The following SETD5 variants were observed in gnomAD, a reference collection of about 807,000 sequenced individuals.
The protein encoded by SETD5 is SET domain containing 5.
Under a neutral mutation model 153.3 loss-of-function variants are expected in SETD5, and 44 were observed. The observed-to-expected ratio is 0.29, with a 90% confidence interval of 0.23 to 0.37. SETD5 has a LOEUF of 0.37. Among genes scored for constraint, SETD5 ranks in the 10% least tolerant of loss-of-function variants. The pLI, the probability that SETD5 is intolerant of heterozygous loss-of-function variation, is 1.00. For missense variants in SETD5, 1,544 were observed against 1,768.0 expected, an observed-to-expected ratio of 0.87 and a Z score of 2.27; for synonymous variants, 716 against 645.2, an observed-to-expected ratio of 1.11 and a Z score of -1.66.
At chr3:9,416,759 A>C (rs1364584001) in intron 1 of SETD5, among the ~76,000 whole-genome samples, 3 of 152,094 alleles carry the variant, frequency 2.0e-5, no homozygotes, top group Non-Finnish European at 2.9e-5. Flanking sequence ...GGATAGCTCC[A>C]CCCACCAGAT....
At chr3:9,405,573 C>G (rs930932964) in intron 1 of SETD5, among the ~76,000 whole-genome samples, 4 of 152,022 alleles carry the variant, frequency 2.6e-5, no homozygotes, top group Non-Finnish European at 5.9e-5. Context: ...TTTCGCCACC[C>G]CACTCCTGAA....
At chr3:9,408,568 G>A (rs892467874) in intron 1 of SETD5, among the ~76,000 whole-genome samples, 1 of 152,072 alleles carries the variant, frequency 6.6e-6, no homozygotes. Flanking sequence ...TCGTACTCTG[G>A]ATTTTGAAGG....
At chr3:9,441,274 T>C (rs2041254356) in intron 8 of SETD5, among the ~76,000 whole-genome samples, 1 of 152,066 alleles carries the variant, frequency 6.6e-6, no homozygotes, top group African/African-American at 2.4e-5. Context: ...GTAGGAATTA[T>C]GTAATATTTA....
rs768750924 is a variant in SETD5, at chr3:9,447,870, T to C, written c.1967T>C (p.Leu656Ser). 1.2e-5 allele frequency: 20 copies of C among 1,614,000 alleles called. No homozygotes were observed. The highest frequency in any genetic ancestry group is 4.0e-5 in the African/African-American group (3 of 75,052). Reference protein sequence around the residue: ...AALEEGGSNSLVTPTEAGSLD... With the variant: ...AALEEGGSNSSVTPTEAGSLD... ...TTGGAAGAGGGAGGAAGTAACAGTT[T>C]AGTAACTCCTACTGAAGCTGGAAGT... The change falls in exon 15 of 23, where the codon TTA (leucine) becomes TCA (serine). Residue 656 changes from leucine (L) to serine (S), a missense_variant. Physicochemically the swap from Leu to Ser is moderately radical, Grantham distance 145. Around this residue, in one of 9 missense-constraint regions of SETD5, gnomAD observed 782 missense variants for 787.2 expected, o/e 0.99. Transcript: ENST00000402198.
chr3:9,423,643 TA>T (rs2038744774), intron 1 of SETD5, among the ~76,000 whole-genome samples: 1 of 152,230 alleles, frequency 6.6e-6, no homozygotes, highest in Admixed American at 6.5e-5. Context: ...AAATCGTTTC[TA>T]AAAAATAGTT....
rs1463055416 is a variant in SETD5 at position 9,475,987 on chromosome 3, T to C, written c.4225T>C (p.Ser1409Pro). The change falls in exon 23 of 23, where the codon TCC becomes CCC. Residue 1409 changes from serine (S) to proline (P), a missense_variant. By Grantham distance (74) the Ser-to-Pro change is moderately conservative. This residue lies in a region of SETD5 where 302 missense variants were observed against 277.6 expected (regional missense o/e 1.09). Coordinates refer to ENST00000402198, the MANE Select transcript of SETD5 (RefSeq NM_001080517.3). ...CCAGGCCTCCAGGGTATCTGCGGTT[T>C]CCAATTCACAGCACTACCCACACCG... ...VYQASRVSAV[S>P]NSQHYPHRGS... 1 of 1,613,880 alleles carries C rather than the reference T, an allele frequency of 6.2e-7. No individual in the cohort carries two copies. Among genetic ancestry groups the C allele is most frequent in the Non-Finnish European group, 8.5e-7 (1 of 1,179,892 alleles).
In SETD5 at chr3:9,475,570, C is replaced by G. The variant is rs747649591; in HGVS notation, c.3808C>G (p.Pro1270Ala). 2.0e-5 allele frequency: 33 copies of G among 1,613,940 alleles called. 1 individual carries two copies. The highest frequency in any genetic ancestry group is 5.9e-6 in the Non-Finnish European group (7 of 1,179,882). ...SPFRGHPTQS[P>A]GYSYRTTALR... ...CTTCAGAGGACATCCTACACAGTCT[C>G]CAGGATACAGTTATCGAACTACTGC... Residue 1270 changes from proline to alanine, a missense_variant, in exon 23 of 23, where the codon CCA (proline) becomes GCA (alanine). Pro to Ala is a conservative substitution (Grantham distance 27). Around this residue, in one of 9 missense-constraint regions of SETD5, gnomAD observed 302 missense variants for 277.6 expected, o/e 1.09. Coordinates refer to ENST00000402198, the MANE Select transcript of SETD5 (RefSeq NM_001080517.3).
Position 9,433,283 on chromosome 3 carries a change from C to G in SETD5, c.72-562C>G, listed in dbSNP as rs568739296. 872 of 885,670 alleles carry G rather than the reference C, an allele frequency of 9.8e-4. 6 individuals carry two copies. The highest frequency in any genetic ancestry group is 2.0e-3 in the South Asian group (130 of 65,640). The allele number at this position is 885,670 out of a possible 1,614,324, so 54.9% of individuals were successfully genotyped here. On this transcript the variant is annotated intron_variant, in intron 3 of 22. Transcript: ENST00000402198. ...CATTGGTGGATGAGAAATTATTACT[C>G]TAATATTTGAAAGGTGTTGGGGGTT... is the stretch of plus-strand genomic sequence containing the variant.
At chr3:9,445,944 T>C (rs998480993) in intron 13 of SETD5, among the ~76,000 whole-genome samples, 1 of 150,290 alleles carries the variant, frequency 6.7e-6, no homozygotes, top group Non-Finnish European at 1.5e-5. Flanking sequence ...GATTATTATC[T>C]AGTGATGGTT....
chr3:9,474,433 C>T lies in SETD5; in HGVS notation c.3498-16C>T, dbSNP rs780349737. The T allele has an allele frequency of 6.2e-7, 1 of 1,612,354 alleles. No individual in the cohort carries two copies. On this transcript the variant is annotated splice_polypyrimidine_tract_variant and intron_variant, in intron 20 of 22. Coordinates refer to ENST00000402198, the MANE Select transcript of SETD5 (RefSeq NM_001080517.3). Reference sequence around the variant, plus strand: ...TAAGTCCTGTGGCTTGAACTTGCACCCTGTTGCCTTTACAGGATGGTTCCC... The same window carrying T: ...TAAGTCCTGTGGCTTGAACTTGCACTCTGTTGCCTTTACAGGATGGTTCCC...
intron 1 of SETD5, among the ~76,000 whole-genome samples, chr3:9,417,027 A>C (rs2037570277): frequency 6.6e-6 from 1 of 152,206 alleles, no homozygotes; most frequent in Non-Finnish European, 1.5e-5. Flanking sequence ...CTAATTAACA[A>C]AAATGTTCTT....
intron 3 of SETD5, chr3:9,431,022 T>G (rs1173816055): frequency 1.0e-6 from 1 of 985,298 alleles, no homozygotes; most frequent in African/African-American, 1.7e-5. Flanking sequence ...TGATATTTAT[T>G]AATGTTTCAT....
At position 9,436,332 on chromosome 3, in the gene SETD5, A is replaced by G. The variant is rs1489718673; in HGVS notation, c.567+426A>G. Among the ~76,000 whole-genome samples, 3 of 152,160 alleles carry G rather than the reference A, an allele frequency of 2.0e-5. No homozygotes were observed. In the East Asian group the frequency reaches 5.8e-4, roughly 29 times the overall value. ...TTTCAAAAAAAATAAAAATCAGGAAACATCTCTTGTATGGTCTAGGTTTCC... is the reference window on the plus strand; with the variant it reads ...TTTCAAAAAAAATAAAAATCAGGAAGCATCTCTTGTATGGTCTAGGTTTCC... On this transcript the variant is annotated intron_variant, in intron 7 of 22. Transcript: ENST00000402198.
intron 16 of SETD5, among the ~76,000 whole-genome samples, chr3:9,450,099 C>T (rs998271291): frequency 2.6e-5 from 4 of 152,142 alleles, no homozygotes; most frequent in African/African-American, 9.7e-5. Context: ...AGAGACTTAA[C>T]GAAAACCAAA....
At chr3:9,427,653 CTTA>C (rs1284413080) in intron 2 of SETD5, among the ~76,000 whole-genome samples, 1 of 152,102 alleles carries the variant, frequency 6.6e-6, no homozygotes, top group African/African-American at 2.4e-5. Flanking sequence ...GTTCTAATGT[CTTA>C]TTATGAATCA....
intron 3 of SETD5, chr3:9,430,762 A>G (rs1246179171): frequency 4.4e-6 from 4 of 919,230 alleles, no homozygotes; most frequent in African/African-American, 3.6e-5. Flanking sequence ...CAAAGTATAG[A>G]CATGACTGCC....
chr3:9,436,828 C>G, intron 7 of SETD5: 4 of 1,549,488 alleles, frequency 2.6e-6, no homozygotes, highest in Non-Finnish European at 3.5e-6. Flanking sequence ...GTTTGTTCTA[C>G]TTGTTTTCCT....
chr3:9,406,321 T>C (rs1012930809), intron 1 of SETD5, among the ~76,000 whole-genome samples: 1 of 152,248 alleles, frequency 6.6e-6, no homozygotes, highest in Admixed American at 6.5e-5. Flanking sequence ...ATGCTGAATG[T>C]AGCATTAGAA....
At chr3:9,420,461 G>T (rs535751988) in intron 1 of SETD5, among the ~76,000 whole-genome samples, 20 of 151,860 alleles carry the variant, frequency 1.3e-4, no homozygotes, top group Admixed American at 2.0e-4. Context: ...TATAGACATC[G>T]GTTTATTGTG....
Sources: allele counts gnomAD v4.1 joint callset (sites outside exome capture counted in the v4.1 genomes callset), GRCh38; gene constraint gnomAD v4.1.1; regional missense constraint gnomAD v4.1.1; transcripts MANE v1.5; gene names NCBI Gene and HGNC (gene_info 2026-07-23, HGNC 2026-07-21).